EDARADD: variants seen among roughly 807,000 people sequenced by gnomAD.
EDARADD encodes ectodysplasin-A receptor-associated adapter protein.
Under a neutral mutation model 25.6 loss-of-function variants are expected in EDARADD, and 20 were observed. That is an observed-to-expected ratio of 0.78 (90% CI 0.55 to 1.14). The LOEUF is 1.14. Ranked by LOEUF, EDARADD falls within the 50% of genes most tolerant of loss-of-function variation. The pLI is 0.00. For synonymous variants in EDARADD, 86 were observed against 94.4 expected, an observed-to-expected ratio of 0.91 and a Z score of 0.52; for missense variants, 225 against 270.1, an observed-to-expected ratio of 0.83 and a Z score of 1.17.
At chr1:236,405,917 CTTTCTTTCTCTTTCCT>C (rs1667723900) in intron 1 of EDARADD, among the ~76,000 whole-genome samples, 1 of 52,558 alleles carries the variant, frequency 1.9e-5, no homozygotes, top group East Asian at 3.1e-4. Context: ...TTCTTTCTTT[CTTTCTTTCTCTTTCCT>C]TTTTTTTTTC....
At chr1:236,353,249 T>C (rs1475601419) in intron 3 of EDARADD, among the ~76,000 whole-genome samples, 2 of 152,164 alleles carry the variant, frequency 1.3e-5, no homozygotes, top group Non-Finnish European at 2.9e-5. Flanking sequence ...GGCAAACTCT[T>C]CCCCTCCTGG....
chr1:236,437,879 GC>G (rs1025376792), intron 4 of EDARADD, among the ~76,000 whole-genome samples: 2 of 151,748 alleles, frequency 1.3e-5, no homozygotes, highest in African/African-American at 4.8e-5. Flanking sequence ...CTTCTGAGCA[GC>G]TGGGATCACA....
At chr1:236,473,782 C>T (rs1659425688) in intron 5 of EDARADD, among the ~76,000 whole-genome samples, 2 of 151,916 alleles carry the variant, frequency 1.3e-5, no homozygotes, top group Non-Finnish European at 2.9e-5. Flanking sequence ...GAGACTCTGT[C>T]TCTAAATAAA....
At chr1:236,431,056 A>G (rs1423621609) in intron 4 of EDARADD, among the ~76,000 whole-genome samples, 2 of 152,156 alleles carry the variant, frequency 1.3e-5, no homozygotes, top group Non-Finnish European at 2.9e-5. Flanking sequence ...TGGAGGTTGC[A>G]GTGAGCTGAG....
intron 5 of EDARADD, among the ~76,000 whole-genome samples, chr1:236,475,486 C>A (rs1049491366): frequency 6.6e-6 from 1 of 152,020 alleles, no homozygotes; most frequent in East Asian, 1.9e-4. Context: ...ACACACAGGG[C>A]GAGCACTGTG....
At chr1:236,415,526 A>T (rs917906031) in intron 3 of EDARADD, among the ~76,000 whole-genome samples, 2 of 151,944 alleles carry the variant, frequency 1.3e-5, no homozygotes, top group Non-Finnish European at 1.5e-5. Context: ...GCTCACTGCA[A>T]CCTCTGCCTC....
At chr1:236,456,183 A>G (rs1182122157) in intron 4 of EDARADD, among the ~76,000 whole-genome samples, 1 of 152,108 alleles carries the variant, frequency 6.6e-6, no homozygotes, top group Non-Finnish European at 1.5e-5. Context: ...CTGAGTTCAA[A>G]TCAAGCGAGA....
In EDARADD at chr1:236,394,482, C is replaced by G. The variant is rs771484831; in HGVS notation, c.38C>G (p.Thr13Ser). The G allele has an allele frequency of 6.2e-7, 1 of 1,614,124 alleles. No individual in the cohort carries two copies. Among genetic ancestry groups the G allele is most frequent in the Non-Finnish European group, 8.5e-7 (1 of 1,180,010 alleles). ...LRTTKQMGRG[T>S]KAPGHQEDHM... is the part of the protein sequence containing the mutation. ...ACGACTAAACAGATGGGGAGAGGCA[C>G]TAAAGCTCCTGGTCACCAAGAGGGT... Residue 13 changes from threonine to serine, a missense_variant, in exon 1 of 6, where the codon ACT becomes AGT. Transcript: ENST00000334232.
chr1:236,424,132 G>A (rs888363842), intron 3 of EDARADD, among the ~76,000 whole-genome samples: 7 of 141,424 alleles, frequency 4.9e-5, no homozygotes, highest in African/African-American at 1.8e-4. Context: ...AAATAAAATT[G>A]TAGTAATCCA....
chr1:236,402,603 G>T (rs1386652811), intron 1 of EDARADD, among the ~76,000 whole-genome samples: 1 of 151,964 alleles, frequency 6.6e-6, no homozygotes, highest in East Asian at 1.9e-4. Context: ...TAGAAATGAG[G>T]TCTCACTGTG....
chr1:236,453,424 G>A (rs1325323659), intron 4 of EDARADD, among the ~76,000 whole-genome samples: 9 of 151,556 alleles, frequency 5.9e-5, no homozygotes, highest in South Asian at 2.1e-4. Flanking sequence ...TTACAGGCGC[G>A]CACCACCGTG....
intron 3 of EDARADD, among the ~76,000 whole-genome samples, chr1:236,352,275 C>T (rs1406780122): frequency 6.6e-6 from 1 of 152,192 alleles, no homozygotes; most frequent in African/African-American, 2.4e-5. Context: ...TCTGTCTCTC[C>T]TGATTTCTTG....
At chr1:236,425,335 G>A (rs928845325) in intron 3 of EDARADD, among the ~76,000 whole-genome samples, 3 of 152,202 alleles carry the variant, frequency 2.0e-5, no homozygotes, top group African/African-American at 7.2e-5. Context: ...CTGGGGGTCA[G>A]GAGAACACAT....
At chr1:236,460,594 A>T (rs1380706412) in intron 4 of EDARADD, among the ~76,000 whole-genome samples, 2 of 152,224 alleles carry the variant, frequency 1.3e-5, no homozygotes, top group East Asian at 3.8e-4. Context: ...ATAAGTGTGA[A>T]GTTATTACAG....
chr1:236,460,820 G>T (rs75076604), intron 4 of EDARADD, among the ~76,000 whole-genome samples: 7,030 of 147,716 alleles, frequency 0.048, 199 homozygotes, highest in Middle Eastern at 0.085. Context: ...GTTTTGTGGG[G>T]TTTTTTTTTT....
rs541522408 is a variant in EDARADD at position 236,450,091 on chromosome 1, ACT to A, written c.220-18137_220-18136del. On this transcript the variant is annotated intron_variant, in intron 4 of 5. Transcript: ENST00000334232. ...ACTCCAGCCTGGGTGACAGAACGAG[ACT>A]CTGTCTCCAAAAAAAAAAAAAAGTA... 1.7e-3 allele frequency among the ~76,000 whole-genome samples: 189 copies of A among 113,054 alleles called. 1 individual carries two copies. The highest frequency in any genetic ancestry group is 5.2e-3 in the African/African-American group (175 of 33,660). 74.2% of individuals were successfully genotyped at this position (113,054 alleles called of 152,430 possible).
intron 5 of EDARADD, among the ~76,000 whole-genome samples, chr1:236,476,833 G>A (rs1035051071): frequency 2.0e-5 from 3 of 151,470 alleles, no homozygotes; most frequent in African/African-American, 7.3e-5. Flanking sequence ...CCTACAAAAA[G>A]TTTTAAAAAA....
intron 5 of EDARADD, among the ~76,000 whole-genome samples, chr1:236,479,796 G>A (rs1386428789): frequency 6.6e-6 from 1 of 150,536 alleles, no homozygotes; most frequent in Non-Finnish European, 1.5e-5. Flanking sequence ...CCACAATCTC[G>A]GTGCTTTGGG....
At chr1:236,404,318 A>G (rs894589187) in intron 1 of EDARADD, among the ~76,000 whole-genome samples, 1 of 152,206 alleles carries the variant, frequency 6.6e-6, no homozygotes, top group Non-Finnish European at 1.5e-5. Context: ...CTTCTGAATC[A>G]GTCTCAAATA....
Sources: gnomAD v4.1 joint callset for allele counts (sites outside exome capture counted in the v4.1 genomes callset) on GRCh38, gnomAD v4.1.1 for gene constraint, MANE v1.5 for transcripts, NCBI Gene and HGNC (gene_info 2026-07-23, HGNC 2026-07-21) for gene names.